The following KXD1 variants were observed in gnomAD, a reference collection of about 807,000 sequenced individuals.
The protein encoded by KXD1 is kxDL motif-containing protein 1.
Under a neutral mutation model 12.1 loss-of-function variants are expected in KXD1, and 5 were observed. That is an observed-to-expected ratio of 0.41 (90% CI 0.22 to 0.87). The LOEUF (loss-of-function observed/expected upper bound fraction) is 0.87. KXD1 is among the 40% of genes least tolerant of loss of function. KXD1 has a pLI of 0.31. For synonymous variants in KXD1, 98 were observed against 100.5 expected (o/e 0.98, Z 0.15); for missense variants, 193 against 244.9 (o/e 0.79, Z 1.41).
At chr19:18,564,187 TCTC>T (rs951580146) in intron 2 of KXD1, among the ~76,000 whole-genome samples, 207 of 152,006 alleles carry the variant, frequency 1.4e-3, no homozygotes, top group African/African-American at 4.9e-3. Flanking sequence ...GCCCGGCTGG[TCTC>T]CTGTTTTTTT....
chr19:18,565,940 G>A lies in KXD1; in HGVS notation c.254+919G>A, dbSNP rs148909422. ...TGAGCTCCAGCACTCTGCCTGCCTC[G>A]GCCTCCTAAAGTGTTGGGATTACAG... On this transcript the variant is annotated intron_variant, in intron 3 of 4. Coordinates refer to ENST00000222307, the MANE Select transcript of KXD1 (RefSeq NM_024069.4). 2.1e-3 allele frequency among the ~76,000 whole-genome samples: 323 copies of A among 152,218 alleles called. 1 individual carries two copies. The highest frequency in any genetic ancestry group is 7.3e-3 in the African/African-American group (303 of 41,540).
In KXD1 at chr19:18,568,807, A is replaced by G. The variant is rs896746001; in HGVS notation, c.*176A>G. ...TGTGGAATTCCTGGGGGGGTCTTTAATTCTGGCTCCTTCCTTCCTCAGAAC... is the reference window on the plus strand; with the variant it reads ...TGTGGAATTCCTGGGGGGGTCTTTAGTTCTGGCTCCTTCCTTCCTCAGAAC... On this transcript the variant is annotated 3_prime_UTR_variant, in exon 5 of 5. Transcript: ENST00000222307. 1.0e-5 allele frequency: 6 copies of G among 598,588 alleles called. No homozygotes were observed. The highest frequency in any genetic ancestry group is 9.3e-5 in the African/African-American group (5 of 53,790). The allele number at this position is 598,588 out of a possible 1,614,324, so 37.1% of individuals were successfully genotyped here.
intron 4 of KXD1, among the ~76,000 whole-genome samples, chr19:18,567,860 C>T (rs533534653): frequency 5.3e-5 from 8 of 152,300 alleles, no homozygotes; most frequent in Admixed American, 3.9e-4. Context: ...GAGCCAGGTT[C>T]GCCCTCAGGG....
intron 1 of KXD1, among the ~76,000 whole-genome samples, chr19:18,561,093 G>A (rs1974901605): frequency 6.6e-6 from 1 of 152,068 alleles, no homozygotes; most frequent in African/African-American, 2.4e-5. Flanking sequence ...AGGTGAACCA[G>A]TGAAGCAGTT....
rs947560956 is a variant in KXD1, at chr19:18,565,331, G to A, written c.254+310G>A. On this transcript the variant is annotated intron_variant, in intron 3 of 4. Transcript: ENST00000222307. ...TGCAAGCTCCGCTTCCCGGGCTCAC[G>A]CCATTCTCCTGCCTCAGTCTCCGGA... is the stretch of plus-strand genomic sequence containing the variant. 1.8e-5 allele frequency: 9 copies of A among 508,600 alleles called. No homozygotes were observed. In the South Asian group the frequency reaches 1.8e-4, roughly 10 times the overall value. 31.5% of individuals were successfully genotyped at this position (508,600 alleles called of 1,614,324 possible).
intron 4 of KXD1, 180 bp downstream of exon 4, chr19:18,567,358 G>T: frequency 1.5e-6 from 1 of 662,906 alleles, no homozygotes; most frequent in South Asian, 1.7e-5. Context: ...GCAGCTGGCA[G>T]AGTGGGCACT....
rs75419646 is a variant in KXD1, at chr19:18,561,786, G to A, written c.-21-250G>A. On this transcript the variant is annotated intron_variant, in intron 1 of 4. Coordinates refer to ENST00000222307, the MANE Select transcript of KXD1 (RefSeq NM_024069.4). The stretch of plus-strand genomic sequence containing the variant: ...TGGCCTTGGGCTCATGGAAGTGGGA[G>A]GTGATGGGATTCTAATGTGCTTGGG... 393 of 288,434 alleles carry A rather than the reference G, an allele frequency of 1.4e-3. 3 individuals carry two copies. The highest frequency in any genetic ancestry group is 7.9e-3 in the African/African-American group (355 of 44,930). 17.9% of individuals were successfully genotyped at this position (288,434 alleles called of 1,614,324 possible). A position where few individuals can be genotyped will look rare whatever the true frequency, so the allele number is the denominator to read the frequency against.
intron 3 of KXD1, among the ~76,000 whole-genome samples, chr19:18,566,800 A>G (rs1338438778): frequency 2.0e-5 from 3 of 152,256 alleles, no homozygotes; most frequent in African/African-American, 4.8e-5. Context: ...CTCAAAAAAA[A>G]AAAAAAAATT....
chr19:18,568,956 A>T lies in KXD1; in HGVS notation c.*325A>T, dbSNP rs1463955045. On this transcript the variant is annotated 3_prime_UTR_variant, in exon 5 of 5. Transcript: ENST00000222307. The stretch of plus-strand genomic sequence containing the variant: ...GACGTCTGCTCTGAAGAATGCTTAG[A>T]AGGTTCCCAGACACCAGAGCCAGAT... The T allele has an allele frequency of 1.4e-5, 5 of 346,402 alleles. No homozygotes were observed. Among genetic ancestry groups the T allele is most frequent in the Non-Finnish European group, 2.7e-5 (5 of 186,084 alleles). 21.5% of individuals were successfully genotyped at this position (346,402 alleles called of 1,614,324 possible).
chr19:18,567,248 G>C (rs749118676), intron 4 of KXD1, 70 bp downstream of exon 4: 1 of 1,500,908 alleles, frequency 6.7e-7, no homozygotes, highest in South Asian at 1.1e-5. Context: ...CTTCTGGAAG[G>C]CCACCTTGGG....
intron 3 of KXD1, 99 bp downstream of exon 3, chr19:18,565,120 G>T: frequency 6.5e-7 from 1 of 1,535,574 alleles, no homozygotes; most frequent in Middle Eastern, 1.8e-4. Flanking sequence ...GGAGATTTCT[G>T]TTTGTTTTAC....
intron 3 of KXD1, among the ~76,000 whole-genome samples, chr19:18,565,897 A>G (rs1312673412): frequency 1.3e-5 from 2 of 152,172 alleles, no homozygotes; most frequent in Admixed American, 6.5e-5. Flanking sequence ...CGTGTTGCCC[A>G]GGCTAGTCTC....
chr19:18,562,192 G>A (rs766080749), intron 2 of KXD1, 35 bp downstream of exon 2: 1 of 1,494,070 alleles, frequency 6.7e-7, no homozygotes, highest in Non-Finnish European at 9.1e-7. Context: ...GCGTGGGAAG[G>A]AATCCACAGG....
intron 1 of KXD1, chr19:18,558,400 G>C (rs888589164): frequency 9.2e-5 from 14 of 152,142 alleles, no homozygotes; most frequent in African/African-American, 3.1e-4. Flanking sequence ...AGTTTCACTC[G>C]GAGATGATTG....
At chr19:18,561,748 T>C (rs530649191) in intron 1 of KXD1, 21 of 232,746 alleles carry the variant, frequency 9.0e-5, no homozygotes, top group Admixed American at 6.4e-4. Flanking sequence ...TCTGTGCAGG[T>C]GAGAGGTACC....
In KXD1 at chr19:18,565,036, C is replaced by T. The variant is rs773141369; in HGVS notation, c.254+15C>T. 2.0e-6 allele frequency: 3 copies of T among 1,533,826 alleles called. No homozygotes were observed. Among genetic ancestry groups the T allele is most frequent in the Non-Finnish European group, 2.6e-6 (3 of 1,153,054 alleles). On this transcript the variant is annotated intron_variant, in intron 3 of 4. Coordinates refer to ENST00000222307, the MANE Select transcript of KXD1 (RefSeq NM_024069.4). Reference sequence around the variant, plus strand: ...CGCCGTATCAGGTGGGTGCTCAGTGCCACCCCAGCCCAGCTGACCTCTGCC... The same window carrying T: ...CGCCGTATCAGGTGGGTGCTCAGTGTCACCCCAGCCCAGCTGACCTCTGCC...
At chr19:18,565,393 A>G (rs1281795441) in intron 3 of KXD1, among the ~76,000 whole-genome samples, 1 of 151,228 alleles carries the variant, frequency 6.6e-6, no homozygotes, top group Non-Finnish European at 1.5e-5. Context: ...CCACGCCTGG[A>G]GAATTTTTTG....
chr19:18,560,743 G>C (rs1289609627), intron 1 of KXD1, among the ~76,000 whole-genome samples: 1 of 150,640 alleles, frequency 6.6e-6, no homozygotes, highest in Non-Finnish European at 1.5e-5. Flanking sequence ...GAGTCTCTCT[G>C]TTGCCCAGGC....
At chr19:18,558,832 G>C (rs1977019204) in intron 1 of KXD1, 4 of 152,214 alleles carry the variant, frequency 2.6e-5, no homozygotes, top group Admixed American at 2.0e-4. Flanking sequence ...GGGGGGACGG[G>C]AGGGAGGTGC....
Sources: allele counts gnomAD v4.1 joint callset (sites outside exome capture counted in the v4.1 genomes callset), GRCh38; gene constraint gnomAD v4.1.1; transcripts MANE v1.5; gene names NCBI Gene and HGNC (gene_info 2026-07-23, HGNC 2026-07-21).